The following KLHL14 variants were observed in gnomAD, a reference collection of about 807,000 sequenced individuals.
The protein encoded by KLHL14 is kelch like family member 14.
KLHL14 carries 22 observed loss-of-function variants against 64.3 expected under a neutral mutation model. That is an observed-to-expected ratio of 0.34 (90% confidence interval 0.24 to 0.49). The LOEUF (loss-of-function observed/expected upper bound fraction) is 0.49. Among genes scored for constraint, KLHL14 ranks in the 20% least tolerant of loss-of-function variants. KLHL14 has a pLI of 0.99. For synonymous variants in KLHL14, 322 were observed against 333.4 expected, an observed-to-expected ratio of 0.97 and a Z score of 0.37; for missense variants, 661 against 789.0, an observed-to-expected ratio of 0.84 and a Z score of 1.94.
intron 7 of KLHL14, among the ~76,000 whole-genome samples, chr18:32,679,467 A>T (rs994654403): frequency 6.6e-6 from 1 of 152,174 alleles, no homozygotes; most frequent in East Asian, 1.9e-4. Context: ...GGCCCAAAGC[A>T]GTTCAATAAT....
At chr18:32,685,907 T>C (rs534099201) in intron 5 of KLHL14, among the ~76,000 whole-genome samples, 5 of 152,298 alleles carry the variant, frequency 3.3e-5, no homozygotes, top group African/African-American at 1.2e-4. Flanking sequence ...CAATTTAATC[T>C]CAGGGTAATC....
intron 2 of KLHL14, among the ~76,000 whole-genome samples, chr18:32,762,680 G>C (rs567815831): frequency 1.6e-4 from 24 of 152,058 alleles, no homozygotes; most frequent in African/African-American, 5.3e-4. Context: ...GCCTTTCTCT[G>C]GTTAAGTGAT....
At position 32,769,707 on chromosome 18, in the gene KLHL14, C is replaced by T. The variant is rs2050367274; in HGVS notation, c.885G>A (p.Leu295=). 1 of 1,575,746 alleles carries T rather than the reference C, an allele frequency of 6.3e-7. No individual in the cohort carries two copies. Among genetic ancestry groups the T allele is most frequent in the African/African-American group, 1.3e-5 (1 of 74,244 alleles). ...RTDPVCQKLL[L]DAMNYHLMPF... ...GCATCAGGTGGTAGTTCATGGCGTC[C>T]AGCAGCAGCTTCTGGCAGACCGGGT... is the stretch of plus-strand genomic sequence containing the variant. The change falls in exon 2 of 9, where the codon CTG becomes CTA. Residue 295 remains leucine, a synonymous_variant. Coordinates refer to ENST00000359358, the MANE Select transcript of KLHL14 (RefSeq NM_020805.3).
At chr18:32,705,632 A>G (rs2049986432) in intron 3 of KLHL14, among the ~76,000 whole-genome samples, 1 of 152,182 alleles carries the variant, frequency 6.6e-6, no homozygotes, top group Non-Finnish European at 1.5e-5. Context: ...CTGAGGCAGG[A>G]GAATCACTTG....
chr18:32,698,221 C>A (rs974876244), intron 3 of KLHL14, among the ~76,000 whole-genome samples: 5 of 152,098 alleles, frequency 3.3e-5, no homozygotes, highest in East Asian at 1.9e-4. Context: ...TTTTAAATAA[C>A]CACAGATACA....
At chr18:32,718,790 C>T (rs936223285) in intron 3 of KLHL14, among the ~76,000 whole-genome samples, 6 of 152,224 alleles carry the variant, frequency 3.9e-5, no homozygotes, top group African/African-American at 1.4e-4. Context: ...TTATGATAAA[C>T]TCTACCTTCT....
At chr18:32,725,507 C>G (rs1462885593) in intron 3 of KLHL14, among the ~76,000 whole-genome samples, 1 of 152,210 alleles carries the variant, frequency 6.6e-6, no homozygotes, top group Non-Finnish European at 1.5e-5. Context: ...CCAGCAGATG[C>G]TCCACTGGAG....
At chr18:32,687,662 C>CA (rs2049886049) in intron 4 of KLHL14, among the ~76,000 whole-genome samples, 1 of 152,136 alleles carries the variant, frequency 6.6e-6, no homozygotes. Context: ...AAAACAACAA[C>CA]AACAACAACA....
intron 3 of KLHL14, among the ~76,000 whole-genome samples, chr18:32,723,425 C>G (rs908131074): frequency 1.3e-5 from 2 of 152,098 alleles, no homozygotes; most frequent in African/African-American, 4.8e-5. Flanking sequence ...GATGGATTTG[C>G]TTTCAGAAGA....
chr18:32,731,194 C>T (rs1468707047), intron 3 of KLHL14, among the ~76,000 whole-genome samples: 1 of 152,192 alleles, frequency 6.6e-6, no homozygotes, highest in African/African-American at 2.4e-5. Flanking sequence ...AATGATGTCA[C>T]CATAGAGTCA....
chr18:32,747,909 TG>T (rs2050231755), intron 2 of KLHL14, among the ~76,000 whole-genome samples: 1 of 152,250 alleles, frequency 6.6e-6, no homozygotes. Flanking sequence ...TAACATTTTT[TG>T]TCCTCTACTG....
intron 3 of KLHL14, among the ~76,000 whole-genome samples, chr18:32,734,621 AT>A (rs763701930): frequency 1.3e-5 from 2 of 152,184 alleles, no homozygotes; most frequent in Non-Finnish European, 2.9e-5. Context: ...GGTTTTCTTT[AT>A]TTTGTTAAAA....
chr18:32,763,794 C>G (rs531126808), intron 2 of KLHL14, among the ~76,000 whole-genome samples: 3 of 152,112 alleles, frequency 2.0e-5, no homozygotes, highest in Non-Finnish European at 4.4e-5. Flanking sequence ...ATATTTAAGA[C>G]CAATAGCAAT....
intron 3 of KLHL14, among the ~76,000 whole-genome samples, chr18:32,735,428 G>A (rs139992594): frequency 2.6e-5 from 4 of 152,128 alleles, no homozygotes; most frequent in Admixed American, 6.6e-5. Flanking sequence ...TGTATGGCCT[G>A]GTCTCTGCCA....
chr18:32,743,132 T>A (rs2049337), intron 2 of KLHL14: 4 of 152,250 alleles, frequency 2.6e-5, no homozygotes, highest in Non-Finnish European at 5.9e-5. Flanking sequence ...TCGCTTTACA[T>A]GTAATTGAAC....
chr18:32,745,008 G>A (rs1465029482), intron 2 of KLHL14: 1 of 152,180 alleles, frequency 6.6e-6, no homozygotes, highest in African/African-American at 2.4e-5. Context: ...ATCTCTAAGC[G>A]ACTCAGGCCT....
At chr18:32,724,406 C>T (rs2050095789) in intron 3 of KLHL14, among the ~76,000 whole-genome samples, 1 of 152,162 alleles carries the variant, frequency 6.6e-6, no homozygotes, top group Non-Finnish European at 1.5e-5. Flanking sequence ...GTGTAAACCT[C>T]CATTACCCTA....
intron 3 of KLHL14, among the ~76,000 whole-genome samples, chr18:32,733,377 A>G (rs59796855): frequency 0.012 from 1,787 of 145,092 alleles, 39 homozygotes; most frequent in African/African-American, 0.044. Flanking sequence ...GAGAGAGAGA[A>G]AGAGAGAGAA....
chr18:32,734,781 A>G (rs1196815852), intron 3 of KLHL14, among the ~76,000 whole-genome samples: 1 of 152,336 alleles, frequency 6.6e-6, no homozygotes, highest in East Asian at 1.9e-4. Flanking sequence ...ATTTGCAGAT[A>G]AGATTAAAAG....
Sources: gnomAD v4.1 joint callset for allele counts (sites outside exome capture counted in the v4.1 genomes callset) on GRCh38, gnomAD v4.1.1 for gene constraint, MANE v1.5 for transcripts, NCBI Gene and HGNC (gene_info 2026-07-23, HGNC 2026-07-21) for gene names.